TXK: variants seen among roughly 807,000 people sequenced by gnomAD.
The protein encoded by TXK is TXK tyrosine kinase, also known as tyrosine-protein kinase TXK.
A neutral mutation model predicts 81.0 loss-of-function variants in TXK; 60 were observed. That is an observed-to-expected ratio of 0.74 (90% CI 0.60 to 0.92). The LOEUF (loss-of-function observed/expected upper bound fraction) is 0.92. Among genes scored for constraint, TXK ranks in the 40% least tolerant of loss-of-function variants. The pLI is 0.00. For missense variants in TXK, 581 were observed against 638.3 expected (o/e 0.91, Z 0.97); for synonymous variants, 203 against 210.7 (o/e 0.96, Z 0.32).
chr4:48,071,350 T>G (rs553363734), intron 14 of TXK, among the ~76,000 whole-genome samples, 167 bp downstream of exon 14: 1 of 152,310 alleles, frequency 6.6e-6, no homozygotes, highest in East Asian at 1.9e-4. Flanking sequence ...AATGGATTCA[T>G]GACTTTGTAG....
intron 5 of TXK, among the ~76,000 whole-genome samples, chr4:48,108,979 C>T (rs533268059): frequency 4.6e-5 from 7 of 152,312 alleles, no homozygotes; most frequent in East Asian, 3.9e-4. Flanking sequence ...CTCCTTTAAT[C>T]GCTTGTAAAA....
At chr4:48,127,623 C>T (rs1257498381) in intron 1 of TXK, among the ~76,000 whole-genome samples, 1 of 152,238 alleles carries the variant, frequency 6.6e-6, no homozygotes, top group Non-Finnish European at 1.5e-5. Flanking sequence ...AAGATTATCA[C>T]TGAAGGAGCT....
chr4:48,086,162 C>A (rs931656070), intron 10 of TXK, among the ~76,000 whole-genome samples: 2 of 152,198 alleles, frequency 1.3e-5, no homozygotes, highest in Non-Finnish European at 2.9e-5. Context: ...CTTCACAAGG[C>A]ATTCTGCAAA....
chr4:48,118,735 C>A (rs886459024), intron 1 of TXK, among the ~76,000 whole-genome samples: 1 of 152,130 alleles, frequency 6.6e-6, no homozygotes, highest in South Asian at 2.1e-4. Context: ...TTATCCCAAG[C>A]AGTACCAATG....
intron 10 of TXK, among the ~76,000 whole-genome samples, chr4:48,084,923 C>CGAGA (rs1234656236): frequency 6.0e-5 from 9 of 150,754 alleles, no homozygotes; most frequent in South Asian, 2.1e-4. Context: ...TCCAGTTAAT[C>CGAGA]ACCTCTGATT....
At chr4:48,097,733 G>C (rs1461340845) in intron 6 of TXK, among the ~76,000 whole-genome samples, 1 of 144,868 alleles carries the variant, frequency 6.9e-6, no homozygotes, top group Non-Finnish European at 1.5e-5. Context: ...ACTGCACCCA[G>C]CCAAAAGCTA....
chr4:48,111,397 CTT>C (rs1718628076), intron 4 of TXK, among the ~76,000 whole-genome samples: 1 of 152,062 alleles, frequency 6.6e-6, no homozygotes, highest in Non-Finnish European at 1.5e-5. Context: ...TGGGGAGACA[CTT>C]GGGTTTGGAG....
At chr4:48,116,828 GC>G (rs1399095724) in intron 1 of TXK, among the ~76,000 whole-genome samples, 2 of 152,200 alleles carry the variant, frequency 1.3e-5, no homozygotes, top group African/African-American at 4.8e-5. Flanking sequence ...GAGTGGACCG[GC>G]AGGGAGAGAG....
intron 13 of TXK, among the ~76,000 whole-genome samples, chr4:48,072,026 T>C (rs1387530410): frequency 6.7e-6 from 1 of 149,560 alleles, no homozygotes; most frequent in Non-Finnish European, 1.5e-5. Context: ...TGATCTCAGC[T>C]CACTGCAACC....
chr4:48,084,928 CTGAT>C lies in TXK; in HGVS notation c.956+1534_956+1537del, dbSNP rs1717459655. On this transcript the variant is annotated intron_variant, in intron 10 of 14. Transcript: ENST00000264316. ...CGAGAATGGGTCCAGTTAATCACCT[CTGAT>C]TGTTGTTTGCTTGTTTGTTTGTTTT... 5.0e-5 allele frequency among the ~76,000 whole-genome samples: 3 copies of C among 59,738 alleles called. No individual in the cohort carries two copies. The South Asian group carries it at 1.4e-3, about 27-fold the overall frequency. The allele number at this position is 59,738 out of a possible 152,430, so 39.2% of individuals were successfully genotyped here. A position where few individuals can be genotyped will look rare whatever the true frequency, so the allele number is the denominator to read the frequency against.
chr4:48,080,093 CCA>C lies in TXK; in HGVS notation c.990_991del (p.Tyr330Ter), dbSNP rs1344005939. 1 of 1,613,914 alleles carries C rather than the reference CCA, an allele frequency of 6.2e-7. No individual in the cohort carries two copies. On this transcript the variant is annotated stop_gained and frameshift_variant, in exon 11 of 15. Transcript: ENST00000264316. LOFTEE classifies it high-confidence loss of function. ...AAGGGGCTTCCGCTGTATACAGACT[CCA>C]TAAAGTTGCACTAGCTTTGAATGAG...
intron 6 of TXK, among the ~76,000 whole-genome samples, chr4:48,099,023 A>C (rs1480893935): frequency 6.6e-6 from 1 of 152,228 alleles, no homozygotes; most frequent in African/African-American, 2.4e-5. Context: ...TGGAGACACT[A>C]GCCAATTCAA....
chr4:48,083,140 A>T (rs986615281), intron 10 of TXK, among the ~76,000 whole-genome samples: 6 of 152,154 alleles, frequency 3.9e-5, no homozygotes, highest in Non-Finnish European at 8.8e-5. Flanking sequence ...GCACACTACA[A>T]CGCAGACCCA....
chr4:48,086,697 T>A (rs1307043766), intron 9 of TXK, 60 bp from the exon 10 acceptor site: 7 of 1,495,798 alleles, frequency 4.7e-6, no homozygotes, highest in African/African-American at 1.4e-5. Context: ...ATATTAGGGC[T>A]GGAAAATGTT....
chr4:48,113,316 T>C lies in TXK; in HGVS notation c.72-7A>G, dbSNP rs377585820. ...TATCTGTGTTCTCATTTGTCTGACA[T>C]TGAAAAGCAATCATGTTACAAATAA... is the stretch of plus-strand genomic sequence containing the variant. On this transcript the variant is annotated splice_polypyrimidine_tract_variant and splice_region_variant and intron_variant, in intron 2 of 14. Transcript: ENST00000264316. The C allele has an allele frequency of 7.4e-5, 118 of 1,595,156 alleles. 1 individual carries two copies. In the African/African-American group the frequency reaches 1.1e-3, roughly 15 times the overall value.
chr4:48,120,582 C>A (rs1472821928), intron 1 of TXK, among the ~76,000 whole-genome samples: 1 of 151,738 alleles, frequency 6.6e-6, no homozygotes, highest in African/African-American at 2.4e-5. Context: ...TCTCCGGCTC[C>A]CAGGTTCAAG....
At chr4:48,124,662 G>A (rs16860972) in intron 1 of TXK, among the ~76,000 whole-genome samples, 8,035 of 151,988 alleles carry the variant, frequency 0.053, 311 homozygotes, top group East Asian at 0.17. Context: ...TGAGTGGAAC[G>A]GCAAAGGTGA....
Position 48,112,380 on chromosome 4 carries a change from A to T in TXK, c.307T>A (p.Leu103Ile). 1 of 1,614,102 alleles carries T rather than the reference A, an allele frequency of 6.2e-7. No homozygotes were observed. Among genetic ancestry groups the T allele is most frequent in the Non-Finnish European group, 8.5e-7 (1 of 1,180,014 alleles). The change falls in exon 4 of 15, where the codon TTA (leucine) becomes ATA (isoleucine). Residue 103 changes from leucine to isoleucine, a missense_variant. Physicochemically the swap from Leu to Ile is conservative, Grantham distance 5. Coordinates refer to ENST00000264316, the MANE Select transcript of TXK (RefSeq NM_003328.3). ...ATCAGGTATTCTTCTGCTCTCCTTA[A>T]GGCTAAATTACAGGGTTCTCTGGGC... is the stretch of plus-strand genomic sequence containing the variant. ...FLPREPCNLA[L>I]RRAEEYLILE...
intron 14 of TXK, among the ~76,000 whole-genome samples, chr4:48,069,315 T>A: frequency 3.4e-5 from 1 of 29,060 alleles, no homozygotes; most frequent in Admixed American, 4.8e-4. Context: ...AATAAATCAA[T>A]CTTTTCTTTT....
Sources: gnomAD v4.1 joint callset for allele counts (sites outside exome capture counted in the v4.1 genomes callset) on GRCh38, gnomAD v4.1.1 for gene constraint, MANE v1.5 for transcripts, NCBI Gene and HGNC (gene_info 2026-07-23, HGNC 2026-07-21) for gene names.